Variants in GRIN2A observed in about 807,000 individuals in gnomAD.
The protein encoded by GRIN2A is glutamate receptor ionotropic, NMDA 2A.
A neutral mutation model predicts 113.4 loss-of-function variants in GRIN2A; 22 were observed. That is an observed-to-expected ratio of 0.19 (90% CI 0.14 to 0.28). GRIN2A has a LOEUF of 0.28. Among genes scored for constraint, GRIN2A ranks in the 10% least tolerant of loss-of-function variants. GRIN2A has a pLI of 1.00. For missense variants in GRIN2A, 1,502 were observed against 1,887.0 expected (o/e 0.80, Z 3.78); for synonymous variants, 827 against 738.4 (o/e 1.12, Z -1.94).
chr16:10,091,308 G>A (rs1567291696), intron 2 of GRIN2A, among the ~76,000 whole-genome samples: 1 of 152,058 alleles, frequency 6.6e-6, no homozygotes, highest in Non-Finnish European at 1.5e-5. Context: ...CCCATGAGCT[G>A]GTAAATAAAC....
At chr16:9,973,295 C>T (rs1221929168) in intron 2 of GRIN2A, among the ~76,000 whole-genome samples, 1 of 152,132 alleles carries the variant, frequency 6.6e-6, no homozygotes, top group Non-Finnish European at 1.5e-5. Context: ...GGGCTAATAT[C>T]TCTTTGTTTC....
In GRIN2A at chr16:9,770,392, G is replaced by A. The variant is rs902441023; in HGVS notation, c.2357-1303C>T. On this transcript the variant is annotated intron_variant, in intron 11 of 12. Transcript: ENST00000330684. ...TGATTTAATATTGGTCTTTTTTTAA[G>A]TTATGTGAAATTAGCATGTATTGTT... 3.3e-5 allele frequency among the ~76,000 whole-genome samples: 5 copies of A among 152,218 alleles called. No individual in the cohort carries two copies. In the South Asian group the frequency reaches 8.3e-4, roughly 25 times the overall value.
chr16:9,948,197 G>T (rs889278287), intron 2 of GRIN2A, among the ~76,000 whole-genome samples: 1 of 152,082 alleles, frequency 6.6e-6, no homozygotes, highest in Non-Finnish European at 1.5e-5. Context: ...ATCACACAGA[G>T]ATCTTCAAGT....
intron 2 of GRIN2A, among the ~76,000 whole-genome samples, chr16:10,119,371 G>C (rs1244258759): frequency 9.2e-5 from 2 of 21,834 alleles, no homozygotes; most frequent in Non-Finnish European, 3.0e-4. Flanking sequence ...GTATTTTCCA[G>C]CTTTATTTGA....
intron 2 of GRIN2A, among the ~76,000 whole-genome samples, chr16:10,043,962 T>C (rs1333141523): frequency 3.7e-5 from 5 of 135,294 alleles, no homozygotes; most frequent in South Asian, 5.1e-4. Flanking sequence ...TGTATATATA[T>C]ACACACACAC....
At chr16:9,953,471 G>C (rs552579344) in intron 2 of GRIN2A, among the ~76,000 whole-genome samples, 122 of 152,250 alleles carry the variant, frequency 8.0e-4, no homozygotes, top group African/African-American at 2.6e-3. Flanking sequence ...TTCAGGTTTA[G>C]GTTAGCTGCT....
At chr16:10,172,929 C>G (rs2050071210) in intron 2 of GRIN2A, among the ~76,000 whole-genome samples, 2 of 152,118 alleles carry the variant, frequency 1.3e-5, no homozygotes, top group Admixed American at 1.3e-4. Context: ...CTGCACAGCC[C>G]TCTTTCTCTC....
chr16:9,775,700 G>A (rs1901552510), intron 11 of GRIN2A, among the ~76,000 whole-genome samples: 1 of 152,154 alleles, frequency 6.6e-6, no homozygotes, highest in Non-Finnish European at 1.5e-5. Context: ...ACAAGTCTGG[G>A]GTACCCAGGG....
At chr16:9,805,463 A>T (rs1433594865) in intron 10 of GRIN2A, 1 of 152,084 alleles carries the variant, frequency 6.6e-6, no homozygotes, top group Non-Finnish European at 1.5e-5. Flanking sequence ...ATGATAACTG[A>T]ATATATTTTT....
intron 2 of GRIN2A, among the ~76,000 whole-genome samples, chr16:10,041,858 A>C (rs1247894311): frequency 6.6e-6 from 1 of 152,206 alleles, no homozygotes; most frequent in Non-Finnish European, 1.5e-5. Context: ...AATTGGAAGT[A>C]AACCACCTCC....
intron 2 of GRIN2A, among the ~76,000 whole-genome samples, chr16:9,955,021 T>C (rs1400109250): frequency 2.0e-5 from 3 of 152,192 alleles, no homozygotes; most frequent in Non-Finnish European, 4.4e-5. Flanking sequence ...CTACAGACTG[T>C]CTGAAGTTGG....
chr16:10,138,313 G>C (rs1179444368), intron 2 of GRIN2A, among the ~76,000 whole-genome samples: 2 of 152,186 alleles, frequency 1.3e-5, no homozygotes, highest in Non-Finnish European at 2.9e-5. Context: ...AACTATCTGA[G>C]ACTGGGTAAT....
chr16:10,130,577 T>A (rs1402360057), intron 2 of GRIN2A, among the ~76,000 whole-genome samples: 1 of 152,172 alleles, frequency 6.6e-6, no homozygotes, highest in Non-Finnish European at 1.5e-5. Flanking sequence ...AACAGGACAT[T>A]ATATAAACCT....
chr16:10,055,604 A>T (rs1381254247), intron 2 of GRIN2A, among the ~76,000 whole-genome samples: 3 of 152,374 alleles, frequency 2.0e-5, no homozygotes, highest in African/African-American at 7.2e-5. Flanking sequence ...ATCTGGCACC[A>T]AGCTGCAAAC....
intron 10 of GRIN2A, among the ~76,000 whole-genome samples, chr16:9,798,761 A>G (rs1439717163): frequency 2.6e-5 from 4 of 152,254 alleles, no homozygotes; most frequent in Admixed American, 6.5e-5. Flanking sequence ...TAACACTCCC[A>G]GTGGTGGAGG....
At chr16:9,949,997 C>A (rs1465686855) in intron 2 of GRIN2A, among the ~76,000 whole-genome samples, 1 of 152,094 alleles carries the variant, frequency 6.6e-6, no homozygotes, top group Non-Finnish European at 1.5e-5. Flanking sequence ...GCTACCCAAA[C>A]TCTCACAATC....
At position 9,831,898 on chromosome 16, in the gene GRIN2A, T is replaced by A. The variant is rs566770048; in HGVS notation, c.1777+2207A>T. Among the ~76,000 whole-genome samples, 4 of 152,072 alleles carry A rather than the reference T, an allele frequency of 2.6e-5. No homozygotes were observed. The South Asian group carries it at 8.3e-4, about 32-fold the overall frequency. ...TCTCTGATTTCATCTTATACTATTG[T>A]CTACCTCATTCACTCACATCTTTTT... On this transcript the variant is annotated intron_variant, in intron 8 of 12. Transcript: ENST00000330684.
At chr16:9,884,785 T>G (rs1439813202) in intron 4 of GRIN2A, among the ~76,000 whole-genome samples, 1 of 149,602 alleles carries the variant, frequency 6.7e-6, no homozygotes, top group Non-Finnish European at 1.5e-5. Context: ...AGTCTCACTC[T>G]GTGGCCCAGG....
intron 2 of GRIN2A, among the ~76,000 whole-genome samples, chr16:10,089,836 C>T (rs193041518): frequency 1.6e-3 from 239 of 152,240 alleles, no homozygotes; most frequent in Non-Finnish European, 1.7e-3. Flanking sequence ...TTCCCAAATC[C>T]CCTTGAAATT....
Sources: gnomAD v4.1 joint callset for allele counts (sites outside exome capture counted in the v4.1 genomes callset) on GRCh38, gnomAD v4.1.1 for gene constraint, MANE v1.5 for transcripts, NCBI Gene and HGNC (gene_info 2026-07-23, HGNC 2026-07-21) for gene names.